WNK2: variants seen among roughly 807,000 people sequenced by gnomAD.
The protein encoded by WNK2 is WNK lysine deficient protein kinase 2, also known as serine/threonine-protein kinase WNK2.
A neutral mutation model predicts 192.1 loss-of-function variants in WNK2; 67 were observed. That is an observed-to-expected ratio of 0.35 (90% CI 0.29 to 0.43). WNK2 has a LOEUF of 0.43. Among genes scored for constraint, WNK2 ranks in the 20% least tolerant of loss-of-function variants. The probability of loss-of-function intolerance (pLI) is 1.00; values close to 1 mark genes in which losing one functional copy is unlikely to be tolerated. For missense variants in WNK2, 2,698 were observed against 3,089.7 expected (o/e 0.87, Z 3.01); for synonymous variants, 1,439 against 1,393.9 (o/e 1.03, Z -0.72).
chr9:93,205,754 T>A (rs1157949659), intron 2 of WNK2, among the ~76,000 whole-genome samples: 24 of 152,206 alleles, frequency 1.6e-4, no homozygotes. Context: ...GAAGCTTCTC[T>A]CTGGGGGACG....
chr9:93,185,612 T>A lies in WNK2; in HGVS notation c.681+2T>A. The A allele has an allele frequency of 6.2e-7, 1 of 1,608,064 alleles. No individual in the cohort carries two copies. Among genetic ancestry groups the A allele is most frequent in the Non-Finnish European group, 8.5e-7 (1 of 1,177,448 alleles). ...GAGGTGGCCTGGTGTGAGCTGCAGG[T>A]GAGGGTGCCCCAGCCCGCAGGGGGC... On this transcript the variant is annotated splice_donor_variant, in intron 2 of 29. Transcript: ENST00000427277. LOFTEE classifies it high-confidence loss of function.
intron 19 of WNK2, among the ~76,000 whole-genome samples, chr9:93,274,469 G>A (rs1412083338): frequency 2.1e-5 from 3 of 145,418 alleles, no homozygotes; most frequent in Non-Finnish European, 4.4e-5. Flanking sequence ...TCGAGATCGT[G>A]CCACTGCACT....
chr9:93,229,690 C>G lies in WNK2; in HGVS notation c.682-6C>G. 1 of 1,612,098 alleles carries G rather than the reference C, an allele frequency of 6.2e-7. No homozygotes were observed. Among genetic ancestry groups the G allele is most frequent in the South Asian group, 1.1e-5 (1 of 90,792 alleles). ...TTGCCCACTTAGCATGTCTCTTGCC[C>G]TGTAGGACCGGAAGCTCACCAAGCT... On this transcript the variant is annotated splice_polypyrimidine_tract_variant and splice_region_variant and intron_variant, in intron 2 of 29. Coordinates refer to ENST00000427277, the MANE Select transcript of WNK2 (RefSeq NM_006648.4). The surrounding 1 kb of genome is among the most constrained non-coding windows in gnomAD (Gnocchi z 4.9).
chr9:93,311,693 T>C (rs544654808), intron 28 of WNK2, among the ~76,000 whole-genome samples: 35 of 151,976 alleles, frequency 2.3e-4, no homozygotes, highest in Non-Finnish European at 3.1e-4. Flanking sequence ...TGACACGATC[T>C]TGGCTCACTG....
intron 19 of WNK2, among the ~76,000 whole-genome samples, chr9:93,284,101 A>G (rs1338167970): frequency 6.6e-6 from 1 of 152,230 alleles, no homozygotes; most frequent in African/African-American, 2.4e-5. Flanking sequence ...AACCCTTCCT[A>G]TAAGGAAAAG....
In WNK2 at chr9:93,256,315, G is replaced by A. The variant is rs1588219515; in HGVS notation, c.2051G>A (p.Gly684Asp). 6.4e-7 allele frequency: 1 copy of A among 1,573,394 alleles called. No individual in the cohort carries two copies. The highest frequency in any genetic ancestry group is 8.6e-7 in the Non-Finnish European group (1 of 1,166,758). ...TCTCTGCAGCCTGGCTTGCCGGTGGGCTCTGTCCCGGCCCCCGCCTGCCCT... is the reference window on the plus strand; with the variant it reads ...TCTCTGCAGCCTGGCTTGCCGGTGGACTCTGTCCCGGCCCCCGCCTGCCCT... Reference protein sequence around the residue: ...QPTAAPGLPVGSVPAPACPPS... With the variant: ...QPTAAPGLPVDSVPAPACPPS... Residue 684 changes from glycine (G) to aspartate (D), a missense_variant, in exon 10 of 30, where the codon GGC becomes GAC. By Grantham distance (94) the Gly-to-Asp change is moderately conservative. Around this residue, in one of 7 missense-constraint regions of WNK2, gnomAD observed 893 missense variants for 909.0 expected, o/e 0.98. Coordinates refer to ENST00000427277, the MANE Select transcript of WNK2 (RefSeq NM_006648.4).
chr9:93,231,544 T>C (rs1838804222), intron 4 of WNK2, among the ~76,000 whole-genome samples: 1 of 152,104 alleles, frequency 6.6e-6, no homozygotes, highest in African/African-American at 2.4e-5. Flanking sequence ...CAGAGGAACT[T>C]GGGAGGTTTG....
chr9:93,189,353 A>G (rs1050685719), intron 2 of WNK2, among the ~76,000 whole-genome samples: 5 of 152,186 alleles, frequency 3.3e-5, no homozygotes, highest in South Asian at 2.1e-4. Flanking sequence ...ATAGAGACGT[A>G]CATTCCTTGA....
intron 18 of WNK2, 27 bp from the exon 19 acceptor site, chr9:93,268,600 G>C (rs111788832): frequency 7.5e-6 from 12 of 1,597,296 alleles, no homozygotes; most frequent in Non-Finnish European, 1.0e-5. Flanking sequence ...CACTCACTCA[G>C]CGTGCTGTTT....
rs942843684 is a variant in WNK2, at chr9:93,184,386, G to A, written c.-3+1G>A. On this transcript the variant is annotated splice_donor_variant, in intron 1 of 29. Coordinates refer to ENST00000427277, the MANE Select transcript of WNK2 (RefSeq NM_006648.4). LOFTEE classifies it low-confidence loss of function (5UTR_SPLICE). Reference sequence around the variant, plus strand: ...GGCATGGACGGCGTCCGCTCGCCCTGTGAGTGCCGAGCCTCCCCTCAACGC... The same window carrying A: ...GGCATGGACGGCGTCCGCTCGCCCTATGAGTGCCGAGCCTCCCCTCAACGC... Among the ~76,000 whole-genome samples the A allele has an allele frequency of 6.6e-6, 1 of 151,088 alleles. No individual in the cohort carries two copies. Among genetic ancestry groups the A allele is most frequent in the Non-Finnish European group, 1.5e-5 (1 of 67,654 alleles).
At chr9:93,255,604 C>T (rs772682857) in intron 9 of WNK2, among the ~76,000 whole-genome samples, 2 of 152,156 alleles carry the variant, frequency 1.3e-5, no homozygotes, top group Non-Finnish European at 2.9e-5. Context: ...CGGGAGAGAA[C>T]GTTCATGGCA....
rs754484192 is a variant in WNK2, at chr9:93,247,805, C to T, written c.1805C>T (p.Thr602Met). 1.4e-5 allele frequency: 22 copies of T among 1,542,500 alleles called. No homozygotes were observed. The highest frequency in any genetic ancestry group is 3.6e-5 in the South Asian group (3 of 84,050). The change falls in exon 8 of 30, where the codon ACG (threonine) becomes ATG (methionine). Residue 602 changes from threonine to methionine, a missense_variant. Transcript: ENST00000427277. The surrounding 1 kb of genome is among the most constrained non-coding windows in gnomAD (Gnocchi z 5.2). ...GCCGACCAGCACCTCCTGCCACCTA[C>T]GTTGCCGACCAGCGCCACCTCCCTG... Reference protein sequence around the residue: ...PEADQHLLPPTLPTSATSLAS... With the variant: ...PEADQHLLPPMLPTSATSLAS...
At position 93,260,788 on chromosome 9, in the gene WNK2, C is replaced by T. The variant is rs79269332; in HGVS notation, c.3067-1026C>T. ...CCACCCGAGTAAGTGCTGTTGGTCC[C>T]AGCAGGTTTCAGCGGCAGCTCAGAG... On this transcript the variant is annotated intron_variant, in intron 12 of 29. Transcript: ENST00000427277. Among the ~76,000 whole-genome samples the T allele has an allele frequency of 8.5e-3, 1,297 of 152,334 alleles. 10 individuals carry two copies. The highest frequency in any genetic ancestry group is 0.014 in the Non-Finnish European group (954 of 68,028).
rs765307592 is a variant in WNK2, at chr9:93,247,541, A to C, written c.1543-2A>C. The C allele has an allele frequency of 1.2e-6, 2 of 1,609,048 alleles. No homozygotes were observed. Among genetic ancestry groups the C allele is most frequent in the Non-Finnish European group, 1.7e-6 (2 of 1,178,118 alleles). On this transcript the variant is annotated splice_acceptor_variant, in intron 7 of 29. Transcript: ENST00000427277. LOFTEE classifies it high-confidence loss of function. This position sits in a 1 kb window ranked among gnomAD's most constrained non-coding sequence, Gnocchi z 5.2. The stretch of plus-strand genomic sequence containing the variant: ...ATGCTGACAACATGACTGCCTTTAC[A>C]GATTGAGTCTGGATTCTTCCACGAG...
chr9:93,281,725 T>G (rs1847766295), intron 19 of WNK2, among the ~76,000 whole-genome samples: 1 of 152,078 alleles, frequency 6.6e-6, no homozygotes, highest in Non-Finnish European at 1.5e-5. Flanking sequence ...TATCATAAAG[T>G]GCTGAAAATC....
intron 4 of WNK2, among the ~76,000 whole-genome samples, chr9:93,232,752 T>C (rs907841265): frequency 2.6e-5 from 4 of 152,108 alleles, no homozygotes; most frequent in Admixed American, 6.5e-5. Flanking sequence ...TGGGGAGACC[T>C]TGTGACCCGC....
chr9:93,221,368 G>A (rs926237526), intron 2 of WNK2, among the ~76,000 whole-genome samples: 5 of 152,188 alleles, frequency 3.3e-5, no homozygotes, highest in African/African-American at 1.2e-4. Flanking sequence ...CTGAAGTTTT[G>A]TACGTGCTCA....
At chr9:93,198,990 G>A (rs1309619317) in intron 2 of WNK2, among the ~76,000 whole-genome samples, 2 of 152,186 alleles carry the variant, frequency 1.3e-5, no homozygotes, top group South Asian at 4.1e-4. Context: ...GGCTCGGTTC[G>A]GGGTGGGTGG....
chr9:93,309,155 A>G (rs12553462), intron 28 of WNK2: 130,815 of 981,664 alleles, frequency 0.13, 9,168 homozygotes, highest in Middle Eastern at 0.16. Context: ...GACTGGTGTT[A>G]TTTCTATCTC....
Sources: allele counts gnomAD v4.1 joint callset (sites outside exome capture counted in the v4.1 genomes callset), GRCh38; gene constraint gnomAD v4.1.1; regional missense constraint gnomAD v4.1.1; non-coding constraint Gnocchi (gnomAD v3.1); transcripts MANE v1.5; gene names NCBI Gene and HGNC (gene_info 2026-07-23, HGNC 2026-07-21).